The following CTNNA2 variants were observed in gnomAD, a reference collection of about 807,000 sequenced individuals.
CTNNA2 encodes catenin alpha 2.
A neutral mutation model predicts 101.0 loss-of-function variants in CTNNA2; 42 were observed. The ratio of observed to expected loss-of-function variants is 0.42; its 90% CI spans 0.32 to 0.54. The LOEUF is 0.54. CTNNA2 is among the 20% of genes least tolerant of loss of function. CTNNA2 has a pLI of 0.14. For synonymous variants in CTNNA2, 450 were observed against 456.4 expected (o/e 0.99, Z 0.18); for missense variants, 871 against 1,223.1 (o/e 0.71, Z 4.29).
At chr2:79,383,899 A>G (rs1236651839) in intron 4 of CTNNA2, among the ~76,000 whole-genome samples, 1 of 152,182 alleles carries the variant, frequency 6.6e-6, no homozygotes, top group Non-Finnish European at 1.5e-5. Context: ...TGGCATGCCT[A>G]TTGACAGCAG....
intron 3 of CTNNA2, among the ~76,000 whole-genome samples, chr2:79,338,259 T>TAAAAAAAA (rs1558633680): frequency 2.0e-5 from 1 of 50,164 alleles, no homozygotes; most frequent in Non-Finnish European, 4.0e-5. Flanking sequence ...AAAAAAAAAT[T>TAAAAAAAA]GGTAGTCAGG....
chr2:80,027,834 G>A (rs538468221), intron 7 of CTNNA2, among the ~76,000 whole-genome samples: 1 of 151,616 alleles, frequency 6.6e-6, no homozygotes, highest in East Asian at 1.9e-4. Flanking sequence ...TTAGGTAGAC[G>A]TGGTCACATG....
Position 79,436,668 on chromosome 2 carries a change from C to T in CTNNA2, c.-135+62655C>T, listed in dbSNP as rs1678718108. Among the ~76,000 whole-genome samples the T allele has an allele frequency of 2.0e-5, 3 of 151,130 alleles. No homozygotes were observed. The South Asian group carries it at 6.3e-4, about 31-fold the overall frequency. Reference sequence around the variant, plus strand: ...TTTTTTTGAGGCAGAGTCTTGCTCTCTCACCCAGGCTGCAGTGCAGTGGCG... The same window carrying T: ...TTTTTTTGAGGCAGAGTCTTGCTCTTTCACCCAGGCTGCAGTGCAGTGGCG... On this transcript the variant is annotated intron_variant, in intron 4 of 21. Coordinates refer to the CTNNA2 transcript ENST00000466387.
chr2:80,492,255 C>T (rs1025087621), intron 9 of CTNNA2, among the ~76,000 whole-genome samples: 1 of 152,170 alleles, frequency 6.6e-6, no homozygotes, highest in African/African-American at 2.4e-5. Flanking sequence ...ACATGTAAGA[C>T]ATGCTTGCTT....
chr2:80,495,840 T>C (rs1473568720), intron 9 of CTNNA2, among the ~76,000 whole-genome samples: 2 of 146,584 alleles, frequency 1.4e-5, no homozygotes, highest in African/African-American at 2.5e-5. Context: ...CTTGGGAGGC[T>C]GAGGCAGGGG....
intron 3 of CTNNA2, among the ~76,000 whole-genome samples, chr2:79,345,271 TAA>T (rs952972209): frequency 6.6e-5 from 10 of 152,142 alleles, no homozygotes; most frequent in African/African-American, 1.9e-4. Context: ...AATTTTCCCT[TAA>T]GAGACAGTAA....
intron 2 of CTNNA2, among the ~76,000 whole-genome samples, chr2:79,708,070 A>T (rs999722945): frequency 6.6e-6 from 1 of 152,216 alleles, no homozygotes; most frequent in Non-Finnish European, 1.5e-5. Flanking sequence ...GTAATAAAAC[A>T]TTCTAAAAAT....
chr2:80,292,415 G>T (rs1169832732), intron 7 of CTNNA2, among the ~76,000 whole-genome samples: 2 of 152,036 alleles, frequency 1.3e-5, no homozygotes, highest in Admixed American at 1.3e-4. Flanking sequence ...TGGGCAAGTT[G>T]TTGACCCACC....
intron 2 of CTNNA2, among the ~76,000 whole-genome samples, chr2:79,728,071 G>A (rs568052871): frequency 1.7e-3 from 259 of 152,030 alleles, no homozygotes; most frequent in Admixed American, 3.3e-3. Flanking sequence ...AGCATGATTT[G>A]TAATCCTTTG....
intron 7 of CTNNA2, among the ~76,000 whole-genome samples, chr2:80,315,910 G>T (rs1678073092): frequency 6.6e-6 from 1 of 152,090 alleles, no homozygotes; most frequent in African/African-American, 2.4e-5. Flanking sequence ...ATCACCTATG[G>T]CTTGTTAGAA....
chr2:79,949,360 A>G (rs1269154033), intron 7 of CTNNA2, among the ~76,000 whole-genome samples: 1 of 152,166 alleles, frequency 6.6e-6, no homozygotes, highest in Non-Finnish European at 1.5e-5. Context: ...TTCTAGACTG[A>G]TTGTTTTATG....
intron 1 of CTNNA2, among the ~76,000 whole-genome samples, chr2:79,629,642 A>T (rs900391784): frequency 2.0e-5 from 3 of 152,146 alleles, no homozygotes; most frequent in Non-Finnish European, 4.4e-5. Context: ...GAATAACACC[A>T]GAAGTAGGTG....
chr2:80,610,336 C>T (rs1698355196), intron 17 of CTNNA2, among the ~76,000 whole-genome samples: 1 of 151,600 alleles, frequency 6.6e-6, no homozygotes, highest in Non-Finnish European at 1.5e-5. Context: ...TGACTGCTTT[C>T]AAAGTTCTGA....
chr2:80,042,614 G>A (rs1696142880), intron 7 of CTNNA2, among the ~76,000 whole-genome samples: 1 of 152,082 alleles, frequency 6.6e-6, no homozygotes, highest in Non-Finnish European at 1.5e-5. Context: ...GCACTGTCCT[G>A]TCTCTGTGGG....
intron 9 of CTNNA2, among the ~76,000 whole-genome samples, chr2:80,432,354 T>A (rs1398032518): frequency 1.3e-5 from 2 of 152,228 alleles, no homozygotes; most frequent in African/African-American, 4.8e-5. Flanking sequence ...AAAAAATTGA[T>A]GTTTTAATTG....
chr2:79,917,851 A>G (rs1457653432), intron 7 of CTNNA2, among the ~76,000 whole-genome samples: 1 of 152,096 alleles, frequency 6.6e-6, no homozygotes, highest in Non-Finnish European at 1.5e-5. Flanking sequence ...TGCCCAGAGC[A>G]TGTGTGCACT....
intron 7 of CTNNA2, among the ~76,000 whole-genome samples, chr2:80,131,119 G>A (rs1167263075): frequency 3.3e-5 from 5 of 151,972 alleles, no homozygotes; most frequent in South Asian, 2.1e-4. Flanking sequence ...GTGCAGTGGC[G>A]TAATCTCCAC....
chr2:80,190,854 C>G (rs1017137766), intron 7 of CTNNA2, among the ~76,000 whole-genome samples: 1 of 152,140 alleles, frequency 6.6e-6, no homozygotes, highest in East Asian at 1.9e-4. Context: ...TTTGCAACAG[C>G]AATGTCCATC....
chr2:80,455,937 A>G (rs1444703462), intron 9 of CTNNA2, among the ~76,000 whole-genome samples: 1 of 152,230 alleles, frequency 6.6e-6, no homozygotes, highest in Non-Finnish European at 1.5e-5. Context: ...GAGGAAGGTC[A>G]CATGGCTGGA....
Sources: gnomAD v4.1 joint callset for allele counts (sites outside exome capture counted in the v4.1 genomes callset) on GRCh38, gnomAD v4.1.1 for gene constraint, MANE v1.5 for transcripts, NCBI Gene and HGNC (gene_info 2026-07-23, HGNC 2026-07-21) for gene names.